The following SLC1A2 variants were observed in gnomAD, a reference collection of about 807,000 sequenced individuals.
SLC1A2 encodes the protein excitatory amino acid transporter 2.
Under a neutral mutation model 48.8 loss-of-function variants are expected in SLC1A2, and 15 were observed. The observed-to-expected ratio is 0.31, with a 90% CI of 0.21 to 0.47. The LOEUF (loss-of-function observed/expected upper bound fraction) is 0.47. Ranked by LOEUF, SLC1A2 falls within the 20% of genes least tolerant of loss-of-function variation. SLC1A2 has a pLI of 0.99. For missense variants in SLC1A2, 502 were observed against 730.5 expected, an observed-to-expected ratio of 0.69 and a Z score of 3.61; for synonymous variants, 279 against 272.6, an observed-to-expected ratio of 1.02 and a Z score of -0.23.
At chr11:35,366,766 A>C (rs1853864247) in intron 1 of SLC1A2, among the ~76,000 whole-genome samples, 1 of 152,218 alleles carries the variant, frequency 6.6e-6, no homozygotes, top group Admixed American at 6.5e-5. Flanking sequence ...TAGAAGCATT[A>C]GGAAGTTCCC....
chr11:35,360,224 G>A (rs1036104804), intron 1 of SLC1A2: 4 of 234,822 alleles, frequency 1.7e-5, no homozygotes, highest in African/African-American at 2.3e-5. Flanking sequence ...CATTTGGTTC[G>A]AGAGCCCAAG....
chr11:35,368,309 C>G (rs774425536), intron 1 of SLC1A2, among the ~76,000 whole-genome samples: 13 of 152,200 alleles, frequency 8.5e-5, no homozygotes, highest in Non-Finnish European at 1.9e-4. Context: ...AGCTGCAGGT[C>G]TGAGTCCTGC....
At chr11:35,355,755 T>C (rs1258491624) in intron 1 of SLC1A2, among the ~76,000 whole-genome samples, 1 of 152,044 alleles carries the variant, frequency 6.6e-6, no homozygotes, top group Non-Finnish European at 1.5e-5. Context: ...CATAGTGGCA[T>C]GTGCCTGTAA....
chr11:35,353,702 G>A (rs1010200822), intron 1 of SLC1A2, among the ~76,000 whole-genome samples: 2 of 152,154 alleles, frequency 1.3e-5, no homozygotes, highest in Admixed American at 6.5e-5. Context: ...TAGACCTTCA[G>A]AAAAGAAGAA....
At chr11:35,290,458 T>C (rs920697192) in intron 7 of SLC1A2, among the ~76,000 whole-genome samples, 5 of 152,098 alleles carry the variant, frequency 3.3e-5, no homozygotes, top group African/African-American at 1.2e-4. Context: ...AAACAATATA[T>C]ACATACATAG....
intron 1 of SLC1A2, among the ~76,000 whole-genome samples, chr11:35,352,976 A>G (rs896948924): frequency 1.3e-5 from 2 of 152,232 alleles, no homozygotes; most frequent in Non-Finnish European, 2.9e-5. Flanking sequence ...CAATGACAAT[A>G]ATAGCAATAA....
rs572372501 is a variant in SLC1A2 at position 35,389,117 on chromosome 11, T to C, written c.17+29833A>G. ...ATTTAATTTTTTAAAAACCTAAATA[T>C]GTAGATGACCAAAAACTGAGGGAAA... On this transcript the variant is annotated intron_variant, in intron 1 of 10. Coordinates refer to ENST00000278379, the MANE Select transcript of SLC1A2 (RefSeq NM_004171.4). Among the ~76,000 whole-genome samples the C allele has an allele frequency of 7.9e-5, 12 of 151,224 alleles. No individual in the cohort carries two copies. The East Asian group carries it at 1.9e-3, about 24-fold the overall frequency.
At chr11:35,355,545 A>G (rs1202639802) in intron 1 of SLC1A2, among the ~76,000 whole-genome samples, 1 of 152,224 alleles carries the variant, frequency 6.6e-6, no homozygotes, top group African/African-American at 2.4e-5. Flanking sequence ...GAAGTGGTCA[A>G]TGCACCAGCT....
At chr11:35,351,990 G>T (rs1853276566) in intron 1 of SLC1A2, among the ~76,000 whole-genome samples, 3 of 152,020 alleles carry the variant, frequency 2.0e-5, no homozygotes, top group South Asian at 4.2e-4. Context: ...GGACACAAAA[G>T]GTTCCTAGTG....
chr11:35,396,189 C>A (rs1352926544), intron 1 of SLC1A2, among the ~76,000 whole-genome samples: 1 of 110,818 alleles, frequency 9.0e-6, no homozygotes, highest in Non-Finnish European at 1.7e-5. Context: ...TGGGTATATA[C>A]CCAGTAATGG....
chr11:35,299,651 G>A (rs1005761552), intron 6 of SLC1A2: 4 of 152,000 alleles, frequency 2.6e-5, no homozygotes, highest in Admixed American at 6.6e-5. Flanking sequence ...TATCCCACTC[G>A]TTCCTAAAGT....
intron 3 of SLC1A2, among the ~76,000 whole-genome samples, chr11:35,313,749 C>T (rs751329596): frequency 5.3e-5 from 8 of 152,152 alleles, no homozygotes; most frequent in South Asian, 2.1e-4. Flanking sequence ...ATGGTAAATG[C>T]ACCCTTTCAC....
intron 4 of SLC1A2, among the ~76,000 whole-genome samples, chr11:35,308,208 A>G (rs1851573868): frequency 6.6e-6 from 1 of 152,244 alleles, no homozygotes; most frequent in South Asian, 2.1e-4. Flanking sequence ...TCTTAGGTCA[A>G]CAGTAGCCCT....
In SLC1A2 at chr11:35,259,143, G is replaced by A. The variant is rs967065058; in HGVS notation, c.*1751C>T. 2.6e-5 allele frequency: 4 copies of A among 152,418 alleles called. No homozygotes were observed. Among genetic ancestry groups the A allele is most frequent in the African/African-American group, 7.3e-5 (3 of 41,344 alleles). The allele number at this position is 152,418 out of a possible 1,614,324, so 9.4% of individuals were successfully genotyped here. On this transcript the variant is annotated 3_prime_UTR_variant, in exon 11 of 11. Transcript: ENST00000278379. The stretch of plus-strand genomic sequence containing the variant: ...TAGGGTTTAGGAGACAAAAACAACT[G>A]GAATCTCATGTCTCTTGTATGTTTC...
intron 1 of SLC1A2, among the ~76,000 whole-genome samples, chr11:35,400,268 TAGG>T (rs1441406357): frequency 6.6e-6 from 1 of 152,106 alleles, no homozygotes; most frequent in East Asian, 1.9e-4. Context: ...TATCCAACAA[TAGG>T]AGATAGTTTG....
intron 7 of SLC1A2, among the ~76,000 whole-genome samples, chr11:35,289,478 A>G (rs2134732681): frequency 6.6e-6 from 1 of 152,188 alleles, no homozygotes; most frequent in South Asian, 2.1e-4. Context: ...GAGTTAGGGG[A>G]AGAAATTGGT....
intron 1 of SLC1A2, chr11:35,360,080 G>A (rs778904939): frequency 3.9e-4 from 388 of 985,204 alleles, no homozygotes; most frequent in South Asian, 9.4e-4. Flanking sequence ...TGCTGGTCAC[G>A]TAGTGCTGGA....
chr11:35,343,630 G>A (rs1299356499), intron 1 of SLC1A2, among the ~76,000 whole-genome samples: 1 of 152,090 alleles, frequency 6.6e-6, no homozygotes, highest in Non-Finnish European at 1.5e-5. Context: ...TCAAGAGCCT[G>A]GACACCAACC....
chr11:35,402,930 C>A (rs558984150), intron 1 of SLC1A2, among the ~76,000 whole-genome samples: 12 of 152,334 alleles, frequency 7.9e-5, no homozygotes, highest in African/African-American at 2.9e-4. Flanking sequence ...GGCCTACTTT[C>A]TAATCTTATC....
Sources: allele counts gnomAD v4.1 joint callset (sites outside exome capture counted in the v4.1 genomes callset), GRCh38; gene constraint gnomAD v4.1.1; transcripts MANE v1.5; gene names NCBI Gene and HGNC (gene_info 2026-07-23, HGNC 2026-07-21).